Variants in LUZP2 observed in about 807,000 individuals in gnomAD.
The protein encoded by LUZP2 is leucine zipper protein 2.
A neutral mutation model predicts 51.6 loss-of-function variants in LUZP2; 52 were observed. The ratio of observed to expected loss-of-function variants is 1.01; its 90% CI spans 0.81 to 1.27. LUZP2 has a LOEUF of 1.27. Ranked by LOEUF, LUZP2 falls within the 50% of genes most tolerant of loss-of-function variation. The pLI is 0.00. For missense variants in LUZP2, 436 were observed against 395.4 expected (o/e 1.10, Z -0.87); for synonymous variants, 154 against 137.3 (o/e 1.12, Z -0.85).
chr11:24,749,546 A>C (rs769446338), intron 4 of LUZP2, among the ~76,000 whole-genome samples: 7 of 152,184 alleles, frequency 4.6e-5, no homozygotes, highest in Non-Finnish European at 1.0e-4. Flanking sequence ...GGCACCATCC[A>C]ATGAGCTGTC....
At chr11:24,511,863 G>A (rs1850321579) in intron 1 of LUZP2, among the ~76,000 whole-genome samples, 1 of 152,108 alleles carries the variant, frequency 6.6e-6, no homozygotes, top group African/African-American at 2.4e-5. Context: ...AGTGAATTAT[G>A]CTAAGTCTTA....
rs1172073197 is a variant in LUZP2, at chr11:24,817,854, G to A, written c.396+54546G>A. 2.6e-5 allele frequency among the ~76,000 whole-genome samples: 4 copies of A among 152,060 alleles called. No individual in the cohort carries two copies. The East Asian group carries it at 5.8e-4, about 22-fold the overall frequency. Reference sequence around the variant, plus strand: ...GTTATTTTTCTCTTTCCCAGGGGTAGCCTGTCATACACTGTGTAATATTTT... The same window carrying A: ...GTTATTTTTCTCTTTCCCAGGGGTAACCTGTCATACACTGTGTAATATTTT... On this transcript the variant is annotated intron_variant, in intron 5 of 11. Coordinates refer to ENST00000336930, the MANE Select transcript of LUZP2 (RefSeq NM_001009909.4).
chr11:25,044,455 G>A (rs900432175), intron 9 of LUZP2, among the ~76,000 whole-genome samples: 9 of 151,648 alleles, frequency 5.9e-5, no homozygotes, highest in African/African-American at 2.2e-4. Flanking sequence ...GATGGCAAAG[G>A]CATGTATGAA....
Position 24,981,134 on chromosome 11 carries a change from A to G in LUZP2, c.598-1992A>G, listed in dbSNP as rs79581095. On this transcript the variant is annotated intron_variant, in intron 8 of 11. Coordinates refer to ENST00000336930, the MANE Select transcript of LUZP2 (RefSeq NM_001009909.4). ...ACAGTATAAATAAAAATGTAATGCCATCGTGGTGTAAAATCATCCTCTGGG... is the reference window on the plus strand; with the variant it reads ...ACAGTATAAATAAAAATGTAATGCCGTCGTGGTGTAAAATCATCCTCTGGG... Among the ~76,000 whole-genome samples the G allele has an allele frequency of 6.2e-3, 938 of 151,966 alleles. 9 individuals are homozygous for G. Among genetic ancestry groups the G allele is most frequent in the African/African-American group, 0.022 (898 of 41,500 alleles).
At chr11:24,878,678 CAT>C (rs1323692512) in intron 5 of LUZP2, among the ~76,000 whole-genome samples, 5 of 151,790 alleles carry the variant, frequency 3.3e-5, no homozygotes, top group African/African-American at 1.2e-4. Context: ...TTCCGGGACA[CAT>C]GTGCAGAAAG....
intron 7 of LUZP2, among the ~76,000 whole-genome samples, chr11:24,937,035 C>T (rs374454519): frequency 7.2e-6 from 1 of 138,616 alleles, no homozygotes; most frequent in African/African-American, 2.7e-5. Context: ...ATCAGTGCCT[C>T]CTGCAATGAG....
At chr11:24,729,147 A>T in intron 1 of LUZP2, 22 bp from the exon 2 acceptor site, 3 of 1,354,506 alleles carry the variant, frequency 2.2e-6, no homozygotes, top group Non-Finnish European at 3.0e-6. Flanking sequence ...GGGGGCTCTC[A>T]TGCCTGTTCT....
rs141972051 is a variant in LUZP2 at position 24,951,362 on chromosome 11, G to A, written c.523-25229G>A. ...ATATGATAAGTATTATTCCTATTTT[G>A]TTGCAGTTGAAAAACTGAAGATTTG... On this transcript the variant is annotated intron_variant, in intron 7 of 11. Transcript: ENST00000336930. 2.8e-3 allele frequency among the ~76,000 whole-genome samples: 420 copies of A among 151,536 alleles called. 3 individuals are homozygous for A. Among genetic ancestry groups the A allele is most frequent in the African/African-American group, 9.8e-3 (406 of 41,428 alleles).
At chr11:24,587,977 C>A (rs1048533363) in intron 1 of LUZP2, among the ~76,000 whole-genome samples, 1 of 151,992 alleles carries the variant, frequency 6.6e-6, no homozygotes, top group Admixed American at 6.6e-5. Context: ...TCACCCCTGA[C>A]CACCCCTATT....
chr11:25,073,397 C>T (rs953575077), intron 10 of LUZP2, among the ~76,000 whole-genome samples: 4 of 152,130 alleles, frequency 2.6e-5, no homozygotes, highest in Non-Finnish European at 5.9e-5. Context: ...TGGTTTTCTT[C>T]TCCCTGTGTG....
intron 1 of LUZP2, among the ~76,000 whole-genome samples, chr11:24,654,807 G>T (rs1464357637): frequency 1.3e-5 from 2 of 151,046 alleles, no homozygotes; most frequent in Admixed American, 1.3e-4. Flanking sequence ...TTACAGGCAT[G>T]AGCCACCGCG....
intron 1 of LUZP2, among the ~76,000 whole-genome samples, chr11:24,680,035 T>C (rs1856682374): frequency 6.6e-6 from 1 of 152,128 alleles, no homozygotes; most frequent in Non-Finnish European, 1.5e-5. Context: ...TTGTAGACAT[T>C]GGCATTTACA....
In LUZP2 at chr11:25,077,331, G is replaced by C; in HGVS notation, c.861G>C (p.Glu287Asp). The C allele has an allele frequency of 6.2e-7, 1 of 1,611,082 alleles. No homozygotes were observed. Residue 287 changes from glutamate (E) to aspartate (D), a missense_variant and splice_region_variant, in exon 11 of 12, where the codon GAG becomes GAC. Physicochemically the swap from Glu to Asp is conservative, Grantham distance 45. Transcript: ENST00000336930. ...PSTTACDSQD[E>D]GRPCSMKHKE... The stretch of plus-strand genomic sequence containing the variant: ...ATTTTTAATTGCTACTTTTGTAGGA[G>C]GGCAGACCGTGTTCCATGAAGCACA...
intron 4 of LUZP2, among the ~76,000 whole-genome samples, chr11:24,744,380 T>C (rs1461982251): frequency 6.6e-6 from 1 of 152,146 alleles, no homozygotes; most frequent in Non-Finnish European, 1.5e-5. Context: ...ACCATTTCAA[T>C]CTTGCTGTTT....
At chr11:24,807,593 G>A (rs1442869445) in intron 5 of LUZP2, among the ~76,000 whole-genome samples, 1 of 152,100 alleles carries the variant, frequency 6.6e-6, no homozygotes, top group Admixed American at 6.6e-5. Flanking sequence ...ATGAATAGTT[G>A]TGTAGAAATG....
At position 24,511,895 on chromosome 11, in the gene LUZP2, C is replaced by T. The variant is rs73429120; in HGVS notation, c.62+14590C>T. ...CTTAGCGAAGTGTCTCTTATTTAGG[C>T]TAACCTCAGAATTACACTGTGATAA... On this transcript the variant is annotated intron_variant, in intron 1 of 11. Transcript: ENST00000336930. 1.2e-4 allele frequency among the ~76,000 whole-genome samples: 18 copies of T among 151,948 alleles called. 1 individual carries two copies. The highest frequency in any genetic ancestry group is 3.9e-4 in the African/African-American group (16 of 41,524).
chr11:24,794,271 A>G (rs893397555), intron 5 of LUZP2, among the ~76,000 whole-genome samples: 1 of 152,156 alleles, frequency 6.6e-6, no homozygotes, highest in African/African-American at 2.4e-5. Context: ...TTCTACTGAT[A>G]TATTCTACAT....
intron 1 of LUZP2, among the ~76,000 whole-genome samples, chr11:24,716,920 A>G (rs929667073): frequency 3.3e-5 from 5 of 152,066 alleles, no homozygotes; most frequent in African/African-American, 1.2e-4. Context: ...AATATAAAAT[A>G]ATAATGATTA....
At chr11:24,749,684 C>CT (rs1859506477) in intron 4 of LUZP2, among the ~76,000 whole-genome samples, 1 of 152,110 alleles carries the variant, frequency 6.6e-6, no homozygotes, top group Non-Finnish European at 1.5e-5. Flanking sequence ...TAGACAGACC[C>CT]TTGAGTCTTC....
Sources: allele counts gnomAD v4.1 joint callset (sites outside exome capture counted in the v4.1 genomes callset), GRCh38; gene constraint gnomAD v4.1.1; transcripts MANE v1.5; gene names NCBI Gene and HGNC (gene_info 2026-07-23, HGNC 2026-07-21).